SUCLG2: variants seen among roughly 807,000 people sequenced by gnomAD.
SUCLG2 encodes the protein succinate-CoA ligase GDP-forming subunit beta.
A neutral mutation model predicts 47.9 loss-of-function variants in SUCLG2; 42 were observed. The ratio of observed to expected loss-of-function variants is 0.88; its 90% confidence interval spans 0.69 to 1.14. SUCLG2 has a LOEUF of 1.14. SUCLG2 is among the 50% of genes most tolerant of loss of function. The pLI is 0.00. For synonymous variants in SUCLG2, 195 were observed against 197.3 expected (o/e 0.99, Z 0.10); for missense variants, 571 against 525.9 (o/e 1.09, Z -0.84).
At chr3:67,512,777 T>G (rs1377767694) in intron 6 of SUCLG2, among the ~76,000 whole-genome samples, 1 of 150,608 alleles carries the variant, frequency 6.6e-6, no homozygotes, top group Non-Finnish European at 1.5e-5. Context: ...CTAAACAAAC[T>G]CCCGTTCTTC....
intron 1 of SUCLG2, among the ~76,000 whole-genome samples, chr3:67,616,103 A>G (rs1296722634): frequency 2.0e-5 from 3 of 152,078 alleles, no homozygotes; most frequent in African/African-American, 7.2e-5. Context: ...TGTTGGCTAC[A>G]AGGACCTGGA....
At position 67,498,226 on chromosome 3, in the gene SUCLG2, A is replaced by G; in HGVS notation, c.827T>C (p.Met276Thr). 1.2e-6 allele frequency: 2 copies of G among 1,613,942 alleles called. No individual in the cohort carries two copies. Among genetic ancestry groups the G allele is most frequent in the Non-Finnish European group, 1.7e-6 (2 of 1,179,882 alleles). Residue 276 changes from methionine to threonine, a missense_variant, in exon 8 of 11, where the codon ATG (methionine) becomes ACG (threonine). By Grantham distance (81) the Met-to-Thr change is moderately conservative. Coordinates refer to ENST00000307227, the MANE Select transcript of SUCLG2 (RefSeq NM_003848.4). The part of the protein sequence containing the change: ...AEFRQKDIFA[M>T]DDKSENEPIE... ...GGGCTCATTCTCTGATTTGTCGTCC[A>G]TAGCAAATATGTCTTTTTGTCGGAA... is the stretch of plus-strand genomic sequence containing the variant.
intron 10 of SUCLG2, among the ~76,000 whole-genome samples, chr3:67,388,013 T>TA (rs1367222401): frequency 6.6e-6 from 1 of 151,958 alleles, no homozygotes; most frequent in African/African-American, 2.4e-5. Flanking sequence ...TATAAAATGG[T>TA]AACAAGTGTT....
At chr3:67,509,106 A>AAG (rs1197619872) in intron 6 of SUCLG2, among the ~76,000 whole-genome samples, 1 of 152,238 alleles carries the variant, frequency 6.6e-6, no homozygotes, top group African/African-American at 2.4e-5. Flanking sequence ...TAGACACCAG[A>AAG]AGAGACCATT....
rs556055146 is a variant in SUCLG2, at chr3:67,627,776, A to G, written c.85-18180T>C. Among the ~76,000 whole-genome samples the G allele has an allele frequency of 1.9e-3, 286 of 152,310 alleles. 3 individuals carry two copies. Among genetic ancestry groups the G allele is most frequent in the African/African-American group, 6.8e-3 (282 of 41,560 alleles). On this transcript the variant is annotated intron_variant, in intron 1 of 10. Transcript: ENST00000307227. ...GCTGGTTTCAAGACTAGCTGGTTCC[A>G]GTTTACAGGTGCTACCAGCACTCCC...
At chr3:67,582,138 AG>A (rs1707894469) in intron 2 of SUCLG2, among the ~76,000 whole-genome samples, 1 of 152,224 alleles carries the variant, frequency 6.6e-6, no homozygotes, top group South Asian at 2.1e-4. Context: ...TTTAACATTC[AG>A]GGGTACATGT....
intron 9 of SUCLG2, among the ~76,000 whole-genome samples, chr3:67,448,461 C>G (rs953064117): frequency 6.6e-6 from 1 of 152,162 alleles, no homozygotes; most frequent in East Asian, 1.9e-4. Context: ...TCTCAGCTCA[C>G]TGCAACCTCT....
At chr3:67,612,482 G>A (rs1054476216) in intron 1 of SUCLG2, among the ~76,000 whole-genome samples, 1 of 152,128 alleles carries the variant, frequency 6.6e-6, no homozygotes, top group African/African-American at 2.4e-5. Flanking sequence ...AAGTACGCTG[G>A]AAATGTAATA....
intron 10 of SUCLG2, among the ~76,000 whole-genome samples, chr3:67,364,353 C>G (rs9812440): frequency 6.6e-6 from 1 of 151,596 alleles, no homozygotes. Context: ...CCCTGCTCAG[C>G]GGTAAAGAGG....
intron 9 of SUCLG2, among the ~76,000 whole-genome samples, chr3:67,422,266 G>A (rs564767313): frequency 6.6e-6 from 1 of 151,662 alleles, no homozygotes; most frequent in East Asian, 1.9e-4. Context: ...AAGGTCAAGA[G>A]ATTGAGACCA....
chr3:67,472,793 T>C (rs1490495518), intron 9 of SUCLG2, among the ~76,000 whole-genome samples: 2 of 152,198 alleles, frequency 1.3e-5, no homozygotes, highest in African/African-American at 2.4e-5. Flanking sequence ...TGTAGTCCCA[T>C]GTCTCCAAGG....
At chr3:67,424,235 A>C (rs1198815413) in intron 9 of SUCLG2, among the ~76,000 whole-genome samples, 2 of 152,194 alleles carry the variant, frequency 1.3e-5, no homozygotes, top group African/African-American at 2.4e-5. Flanking sequence ...TACAATGGTG[A>C]GGGGACTCAG....
chr3:67,395,884 A>G (rs1352282413), intron 10 of SUCLG2, among the ~76,000 whole-genome samples: 1 of 152,210 alleles, frequency 6.6e-6, no homozygotes, highest in Non-Finnish European at 1.5e-5. Context: ...AAACCGCTCA[A>G]CTACATGGAA....
chr3:67,372,146 TCA>T (rs1701963622), downstream of SUCLG2, among the ~76,000 whole-genome samples: 1 of 152,196 alleles, frequency 6.6e-6, no homozygotes, highest in Admixed American at 6.6e-5. Flanking sequence ...TGCTCAATAG[TCA>T]CATGTGATGG....
chr3:67,534,765 T>C (rs1306966387), intron 2 of SUCLG2, among the ~76,000 whole-genome samples: 4 of 65,402 alleles, frequency 6.1e-5, no homozygotes, highest in Non-Finnish European at 7.8e-5. Flanking sequence ...CTAACACTGA[T>C]GGCAAAAAAA....
At chr3:67,441,042 G>C (rs1427786509) in intron 9 of SUCLG2, among the ~76,000 whole-genome samples, 1 of 152,180 alleles carries the variant, frequency 6.6e-6, no homozygotes, top group African/African-American at 2.4e-5. Flanking sequence ...GGAATACTAT[G>C]CAGCCATAAA....
intron 2 of SUCLG2, among the ~76,000 whole-genome samples, chr3:67,552,540 A>G (rs755754962): frequency 6.6e-6 from 1 of 152,234 alleles, no homozygotes; most frequent in African/African-American, 2.4e-5. Context: ...TACTGCAGAC[A>G]TGGATGTCTA....
intron 9 of SUCLG2, among the ~76,000 whole-genome samples, chr3:67,495,052 G>T (rs1705295646): frequency 6.6e-6 from 1 of 152,086 alleles, no homozygotes; most frequent in Non-Finnish European, 1.5e-5. Context: ...TACAAAAGAA[G>T]GTGGGGCCAT....
intron 9 of SUCLG2, among the ~76,000 whole-genome samples, chr3:67,494,718 A>T (rs1261080710): frequency 2.0e-5 from 3 of 152,228 alleles, no homozygotes; most frequent in African/African-American, 7.2e-5. Flanking sequence ...AGAATGAATG[A>T]AAACCGTGTA....
Sources: gnomAD v4.1 joint callset for allele counts (sites outside exome capture counted in the v4.1 genomes callset) on GRCh38, gnomAD v4.1.1 for gene constraint, MANE v1.5 for transcripts, NCBI Gene and HGNC (gene_info 2026-07-23, HGNC 2026-07-21) for gene names.